The following MTREX variants were observed in gnomAD, a reference collection of about 807,000 sequenced individuals.
MTREX encodes the protein Mtr4 exosome RNA helicase.
In MTREX, 76 loss-of-function variants were observed where a neutral mutation model predicts 135.4. The ratio of observed to expected loss-of-function variants is 0.56; its 90% CI spans 0.47 to 0.68. The LOEUF (loss-of-function observed/expected upper bound fraction) is 0.68. Ranked by LOEUF, MTREX falls within the 30% of genes least tolerant of loss-of-function variation. The probability of loss-of-function intolerance (pLI) is 0.00; values close to 1 mark genes in which losing one functional copy is unlikely to be tolerated. For missense variants in MTREX, 920 were observed against 1,262.1 expected (o/e 0.73, Z 4.11); for synonymous variants, 404 against 401.6 (o/e 1.01, Z -0.07).
intron 1 of MTREX, among the ~76,000 whole-genome samples, chr5:55,315,367 T>C (rs1449322430): frequency 3.3e-5 from 5 of 152,240 alleles, no homozygotes; most frequent in Non-Finnish European, 5.9e-5. Context: ...CTTGTTGCTC[T>C]TGGATTTTTT....
intron 25 of MTREX, among the ~76,000 whole-genome samples, chr5:55,418,518 CAG>C (rs1293637887): frequency 6.7e-6 from 1 of 150,038 alleles, no homozygotes; most frequent in Non-Finnish European, 1.5e-5. Context: ...TTCAGTTACT[CAG>C]GGGCTATTTC....
intron 22 of MTREX, among the ~76,000 whole-genome samples, chr5:55,407,249 C>G (rs1170039324): frequency 6.6e-6 from 1 of 152,138 alleles, no homozygotes; most frequent in East Asian, 1.9e-4. Context: ...AACAGGACAA[C>G]TCTTAGCCAC....
intron 25 of MTREX, 136 bp downstream of exon 25, chr5:55,416,268 T>C (rs1233944341): frequency 1.9e-6 from 1 of 540,154 alleles, no homozygotes; most frequent in Admixed American, 4.2e-5. Flanking sequence ...TTATATAGAT[T>C]AAAAAATATT....
chr5:55,383,618 T>C (rs1316991810), intron 18 of MTREX, among the ~76,000 whole-genome samples: 1 of 152,208 alleles, frequency 6.6e-6, no homozygotes, highest in Non-Finnish European at 1.5e-5. Flanking sequence ...TGATTTGGCT[T>C]TCCACATTTT....
chr5:55,358,542 T>G, intron 14 of MTREX, 31 bp from the exon 15 acceptor site: 3 of 1,557,838 alleles, frequency 1.9e-6, no homozygotes, highest in Non-Finnish European at 2.6e-6. Context: ...GTTTTTTTCC[T>G]AAACTCTGAA....
intron 16 of MTREX, among the ~76,000 whole-genome samples, chr5:55,376,851 C>T (rs1247063464): frequency 6.6e-6 from 1 of 151,196 alleles, no homozygotes; most frequent in Non-Finnish European, 1.5e-5. Flanking sequence ...AGGTGGATCA[C>T]TTGAGGTCAG....
chr5:55,349,555 C>T lies in MTREX; in HGVS notation c.1241-18C>T, dbSNP rs1315632658. On this transcript the variant is annotated intron_variant, in intron 11 of 26. Transcript: ENST00000230640. ...CTAACTCATTTTGATATTTCTGTAC[C>T]CTTGAATTTTCTCCTAGATGAAGAA... 7.4e-7 allele frequency: 1 copy of T among 1,355,778 alleles called. No individual in the cohort carries two copies. The highest frequency in any genetic ancestry group is 1.1e-6 in the Non-Finnish European group (1 of 948,752). 84.0% of individuals were successfully genotyped at this position (1,355,778 alleles called of 1,614,324 possible). A position where few individuals can be genotyped will look rare whatever the true frequency, so the allele number is the denominator to read the frequency against.
At chr5:55,374,949 G>A (rs6885563) in intron 16 of MTREX, among the ~76,000 whole-genome samples, 21,307 of 152,078 alleles carry the variant, frequency 0.14, 1,891 homozygotes, top group East Asian at 0.26. Context: ...TTTTAAAGCC[G>A]GGCGTCCAGG....
chr5:55,414,244 GTT>G lies in MTREX; in HGVS notation c.2808+23_2808+24del, dbSNP rs201611017. ...GACCACTTCGTCAAATGCAGGTAAG[GTT>G]TTTTTTTTTTTTTTTTGAACTACAT... is the stretch of plus-strand genomic sequence containing the variant. On this transcript the variant is annotated splice_region_variant and intron_variant, in intron 24 of 26. Coordinates refer to ENST00000230640, the MANE Select transcript of MTREX (RefSeq NM_015360.5). 0.017 allele frequency: 21,981 copies of G among 1,296,096 alleles called. No individual in the cohort carries two copies. Among genetic ancestry groups the G allele is most frequent in the South Asian group, 0.034 (2,073 of 61,566 alleles). 80.3% of individuals were successfully genotyped at this position (1,296,096 alleles called of 1,614,324 possible). A position where few individuals can be genotyped will look rare whatever the true frequency, so the allele number is the denominator to read the frequency against.
In MTREX at chr5:55,425,344, A is replaced by G. The variant is rs1392488486; in HGVS notation, c.*572A>G. 1.9e-6 allele frequency: 3 copies of G among 1,582,940 alleles called. No individual in the cohort carries two copies. Among genetic ancestry groups the G allele is most frequent in the Non-Finnish European group, 2.6e-6 (3 of 1,158,572 alleles). ...CCGATACATATACAGCCTACAGTGC[A>G]AAATATTTAATGGTATAATTTAGAT... On this transcript the variant is annotated 3_prime_UTR_variant, in exon 27 of 27. Transcript: ENST00000230640.
chr5:55,333,339 G>C (rs1749505996), intron 5 of MTREX, among the ~76,000 whole-genome samples: 1 of 152,144 alleles, frequency 6.6e-6, no homozygotes, highest in African/African-American at 2.4e-5. Flanking sequence ...TTCAGAAGAT[G>C]CTTAATTCAC....
intron 1 of MTREX, among the ~76,000 whole-genome samples, chr5:55,312,404 TTTC>T (rs150958180): frequency 0.058 from 8,778 of 152,006 alleles, 420 homozygotes; most frequent in African/African-American, 0.12. Flanking sequence ...TTTGCACTTA[TTTC>T]TTCTTCTTTT....
At chr5:55,349,716 A>T in intron 12 of MTREX, 64 bp downstream of exon 12, 1 of 893,122 alleles carries the variant, frequency 1.1e-6, no homozygotes, top group Non-Finnish European at 1.9e-6. Context: ...TTCACTTTAC[A>T]TTGCTTGGTT....
At chr5:55,309,871 A>C (rs1323420420) in intron 1 of MTREX, among the ~76,000 whole-genome samples, 3 of 152,220 alleles carry the variant, frequency 2.0e-5, no homozygotes, top group Non-Finnish European at 1.5e-5. Context: ...AAATTCTATC[A>C]GGAGTGCGAA....
chr5:55,308,218 A>T, intron 1 of MTREX, 71 bp downstream of exon 1: 9 of 1,491,914 alleles, frequency 6.0e-6, no homozygotes, highest in Non-Finnish European at 8.1e-6. Flanking sequence ...CTACTCTCTT[A>T]GGAAGAGCAC....
In MTREX at chr5:55,347,108, T is replaced by A; in HGVS notation, c.1204T>A (p.Tyr402Asn). 1 of 1,607,478 alleles carries A rather than the reference T, an allele frequency of 6.2e-7. No homozygotes were observed. The highest frequency in any genetic ancestry group is 8.5e-7 in the Non-Finnish European group (1 of 1,176,680). ...TTTTAGTAAGAAAGATTGTGAAGCCTATGCACTTCAAATGACCAAATTAGA... is the reference window on the plus strand; with the variant it reads ...TTTTAGTAAGAAAGATTGTGAAGCCAATGCACTTCAAATGACCAAATTAGA... The part of the protein sequence containing the change: ...FSFSKKDCEA[Y>N]ALQMTKLDFN... Residue 402 changes from tyrosine (Y) to asparagine (N), a missense_variant, in exon 11 of 27, where the codon TAT (tyrosine) becomes AAT (asparagine). By Grantham distance (143) the Tyr-to-Asn change is moderately radical. Transcript: ENST00000230640.
chr5:55,318,084 C>G (rs928187990), intron 1 of MTREX, among the ~76,000 whole-genome samples: 2 of 152,134 alleles, frequency 1.3e-5, no homozygotes, highest in Non-Finnish European at 2.9e-5. Flanking sequence ...CATCTAACAC[C>G]AGTCAGAATG....
chr5:55,321,135 TA>T lies in MTREX; in HGVS notation c.135-1185del, dbSNP rs546345490. ...ATTTTAAAGTGAATTAATAAGTATT[TA>T]AAAAAATTTTAATCTTAATATCTAA... On this transcript the variant is annotated intron_variant, in intron 1 of 26. Coordinates refer to ENST00000230640, the MANE Select transcript of MTREX (RefSeq NM_015360.5). Among the ~76,000 whole-genome samples the T allele has an allele frequency of 2.4e-4, 37 of 152,280 alleles. No homozygotes were observed. The South Asian group carries it at 7.5e-3, about 31-fold the overall frequency.
intron 26 of MTREX, chr5:55,423,983 AATTTGT>A (rs1467751579): frequency 2.0e-5 from 3 of 152,080 alleles, no homozygotes; most frequent in African/African-American, 4.8e-5. Context: ...TTGTAATCAA[AATTTGT>A]ATTTGTCCTT....
Sources: allele counts gnomAD v4.1 joint callset (sites outside exome capture counted in the v4.1 genomes callset), GRCh38; gene constraint gnomAD v4.1.1; transcripts MANE v1.5; gene names NCBI Gene and HGNC (gene_info 2026-07-23, HGNC 2026-07-21).